Variants in TFCP2 observed in about 807,000 individuals in gnomAD.
TFCP2 encodes the protein alpha-globin transcription factor CP2.
TFCP2 carries 33 observed loss-of-function variants against 73.4 expected under a neutral mutation model. That is an observed-to-expected ratio of 0.45 (90% confidence interval 0.34 to 0.60). The LOEUF (loss-of-function observed/expected upper bound fraction) is 0.60, where lower values mean the gene tolerates loss of function less well. Ranked by LOEUF, TFCP2 falls within the 20% of genes least tolerant of loss-of-function variation. The probability of loss-of-function intolerance (pLI) is 0.01; values close to 1 mark genes in which losing one functional copy is unlikely to be tolerated. For synonymous variants in TFCP2, 193 were observed against 211.6 expected (o/e 0.91, Z 0.76); for missense variants, 352 against 604.0 (o/e 0.58, Z 4.37).
chr12:51,161,908 C>CAAAA (rs542310982), intron 1 of TFCP2, among the ~76,000 whole-genome samples: 140 of 149,692 alleles, frequency 9.4e-4, no homozygotes, highest in African/African-American at 3.1e-3. Flanking sequence ...AACAAACAAA[C>CAAAA]AAAAAAACTA....
chr12:51,119,192 C>T (rs201506469), intron 1 of TFCP2, among the ~76,000 whole-genome samples: 2 of 152,122 alleles, frequency 1.3e-5, no homozygotes, highest in African/African-American at 4.8e-5. Flanking sequence ...TTAGAAGCCA[C>T]GTGAAAAGGA....
At chr12:51,117,491 G>A (rs770615574) in intron 3 of TFCP2, among the ~76,000 whole-genome samples, 180 bp downstream of exon 3, 5 of 152,032 alleles carry the variant, frequency 3.3e-5, no homozygotes, top group Non-Finnish European at 5.9e-5. Flanking sequence ...TGAATACTGG[G>A]GCTTACTCTG....
chr12:51,111,106 T>G (rs1051176909), intron 4 of TFCP2, 123 bp from the exon 5 acceptor site: 1 of 631,178 alleles, frequency 1.6e-6, no homozygotes, highest in Non-Finnish European at 2.6e-6. Context: ...ATCCTAAATT[T>G]CTTTGTTTTT....
At chr12:51,121,292 G>A (rs1047745000) in intron 1 of TFCP2, among the ~76,000 whole-genome samples, 58 of 151,694 alleles carry the variant, frequency 3.8e-4, no homozygotes, top group African/African-American at 1.4e-3. Flanking sequence ...GCGTTGGCGC[G>A]CGCCTAGTCC....
chr12:51,161,129 G>A (rs1941639910), intron 1 of TFCP2, among the ~76,000 whole-genome samples: 1 of 151,972 alleles, frequency 6.6e-6, no homozygotes, highest in Non-Finnish European at 1.5e-5. Context: ...TCTCTGTCAA[G>A]TCATTGAAAG....
intron 11 of TFCP2, 83 bp from the exon 12 acceptor site, chr12:51,099,862 T>C (rs1940066897): frequency 1.3e-6 from 2 of 1,539,936 alleles, no homozygotes; most frequent in African/African-American, 1.4e-5. Context: ...TGTTTCTACA[T>C]TAATCGTATA....
intron 1 of TFCP2, among the ~76,000 whole-genome samples, chr12:51,131,769 T>C (rs955179752): frequency 1.3e-5 from 2 of 152,254 alleles, no homozygotes; most frequent in Non-Finnish European, 2.9e-5. Flanking sequence ...TACCAGCTAC[T>C]ATTCTAAGTT....
intron 8 of TFCP2, among the ~76,000 whole-genome samples, chr12:51,105,700 C>T (rs1449996038): frequency 6.6e-6 from 1 of 151,990 alleles, no homozygotes; most frequent in Non-Finnish European, 1.5e-5. Context: ...ATATGTATTC[C>T]CTCTACAACT....
Position 51,117,737 on chromosome 12 carries a change from A to T in TFCP2, c.285T>A (p.Tyr95Ter). ...TLTYLNQGQS[Y>*]EIRMLDNRKL... ...TCCTATTGTCTAGCATTCGAATTTC[A>T]TAAGACTGTCCTAGAAGAAAAAGTA... is the stretch of plus-strand genomic sequence containing the variant. The change falls in exon 3 of 15, where the codon TAT (tyrosine) becomes TAA (stop). Residue 95 changes from tyrosine to a stop codon, truncating the protein, a stop_gained. Coordinates refer to ENST00000257915, the MANE Select transcript of TFCP2 (RefSeq NM_005653.5). LOFTEE classifies it high-confidence loss of function. The T allele has an allele frequency of 1.2e-6, 2 of 1,611,142 alleles. No individual in the cohort carries two copies. Among genetic ancestry groups the T allele is most frequent in the Non-Finnish European group, 1.7e-6 (2 of 1,178,306 alleles).
At chr12:51,103,027 A>G (rs1025010396) in intron 10 of TFCP2, among the ~76,000 whole-genome samples, 28 of 151,984 alleles carry the variant, frequency 1.8e-4, no homozygotes, top group African/African-American at 6.3e-4. Flanking sequence ...TCATACCTGT[A>G]ATCCCAGCAC....
chr12:51,126,458 G>A (rs1940822115), intron 1 of TFCP2, among the ~76,000 whole-genome samples: 1 of 152,018 alleles, frequency 6.6e-6, no homozygotes, highest in South Asian at 2.1e-4. Flanking sequence ...GTCCCCCGAG[G>A]TATAAATTAC....
chr12:51,139,138 C>A (rs920665920), intron 1 of TFCP2, among the ~76,000 whole-genome samples: 2 of 152,206 alleles, frequency 1.3e-5, no homozygotes, highest in African/African-American at 4.8e-5. Context: ...CAACCCTCCT[C>A]AGGCATGATA....
chr12:51,099,484 A>T (rs1416210145), intron 12 of TFCP2, among the ~76,000 whole-genome samples, 171 bp downstream of exon 12: 1 of 152,176 alleles, frequency 6.6e-6, no homozygotes. Context: ...TCTCAAAAAA[A>T]AAAAAAAAGA....
At chr12:51,107,064 G>A in intron 7 of TFCP2, 172 bp downstream of exon 7, 1 of 648,126 alleles carries the variant, frequency 1.5e-6, no homozygotes. Context: ...CAGTGGCATG[G>A]TTCGTGCCAA....
intron 1 of TFCP2, among the ~76,000 whole-genome samples, chr12:51,121,189 G>C (rs1246750672): frequency 6.6e-6 from 1 of 152,076 alleles, no homozygotes; most frequent in Non-Finnish European, 1.5e-5. Context: ...GGGAGGCCAA[G>C]GGGGGCAGAT....
chr12:51,126,232 CAAAA>C (rs371407608), intron 1 of TFCP2, among the ~76,000 whole-genome samples: 1 of 87,762 alleles, frequency 1.1e-5, no homozygotes, highest in Non-Finnish European at 2.1e-5. Context: ...GACTCTGTCT[CAAAA>C]AAAAAAAAAA....
chr12:51,118,820 C>T (rs369939555), intron 1 of TFCP2, 48 bp from the exon 2 acceptor site: 84 of 1,598,188 alleles, frequency 5.3e-5, no homozygotes, highest in Admixed American at 1.2e-4. Context: ...ATGGTGCAAA[C>T]GCAGGTTTAT....
rs1325548414 is a variant in TFCP2 at position 51,095,201 on chromosome 12, T to C, written c.*40A>G. On this transcript the variant is annotated 3_prime_UTR_variant, in exon 15 of 15. Coordinates refer to ENST00000257915, the MANE Select transcript of TFCP2 (RefSeq NM_005653.5). Reference sequence around the variant, plus strand: ...CCTTCAAGAGGGCCGTTTTCAGAGGTGAAGGAAGGAGCAGCCACTGGGCAC... The same window carrying C: ...CCTTCAAGAGGGCCGTTTTCAGAGGCGAAGGAAGGAGCAGCCACTGGGCAC... 3.1e-6 allele frequency: 5 copies of C among 1,610,582 alleles called. No individual in the cohort carries two copies. Among genetic ancestry groups the C allele is most frequent in the Admixed American group, 3.3e-5 (2 of 59,958 alleles).
intron 1 of TFCP2, among the ~76,000 whole-genome samples, chr12:51,158,653 T>C (rs1262716921): frequency 6.6e-6 from 1 of 151,796 alleles, no homozygotes; most frequent in Non-Finnish European, 1.5e-5. Flanking sequence ...CATGCCCAGC[T>C]AATTTTTATA....
Sources: gnomAD v4.1 joint callset for allele counts (sites outside exome capture counted in the v4.1 genomes callset) on GRCh38, gnomAD v4.1.1 for gene constraint, MANE v1.5 for transcripts, NCBI Gene and HGNC (gene_info 2026-07-23, HGNC 2026-07-21) for gene names.